Variants in KCNQ3 observed in about 807,000 individuals in gnomAD.
KCNQ3 encodes the protein potassium voltage-gated channel subfamily Q member 3, also known as potassium voltage-gated channel subfamily KQT member 3.
In KCNQ3, 30 loss-of-function variants were observed where a neutral mutation model predicts 92.5. That is an observed-to-expected ratio of 0.32 (90% CI 0.24 to 0.44). KCNQ3 has a LOEUF of 0.44. Ranked by LOEUF, KCNQ3 falls within the 20% of genes least tolerant of loss-of-function variation. The pLI, the probability that KCNQ3 is intolerant of heterozygous loss-of-function variation, is 1.00. For missense variants in KCNQ3, 913 were observed against 1,140.3 expected (o/e 0.80, Z 2.87); for synonymous variants, 450 against 468.8 (o/e 0.96, Z 0.52).
intron 1 of KCNQ3, among the ~76,000 whole-genome samples, chr8:132,405,074 G>A (rs941759641): frequency 1.3e-5 from 2 of 152,182 alleles, no homozygotes; most frequent in East Asian, 1.9e-4. Flanking sequence ...GTGAGGGGGT[G>A]CAGGAAGGGG....
intron 1 of KCNQ3, among the ~76,000 whole-genome samples, chr8:132,370,037 C>T (rs928204471): frequency 6.6e-6 from 1 of 152,124 alleles, no homozygotes; most frequent in African/African-American, 2.4e-5. Context: ...TTGGTGGAAA[C>T]CTCTGCTGTC....
At chr8:132,233,456 C>T (rs1814704818) in intron 1 of KCNQ3, among the ~76,000 whole-genome samples, 2 of 152,184 alleles carry the variant, frequency 1.3e-5, no homozygotes, top group South Asian at 2.1e-4. Context: ...TGATATTCCA[C>T]CAGGGTGTGT....
chr8:132,197,412 T>C (rs1461049108), intron 1 of KCNQ3, among the ~76,000 whole-genome samples: 1 of 152,204 alleles, frequency 6.6e-6, no homozygotes, highest in Non-Finnish European at 1.5e-5. Flanking sequence ...TCTATCCCTG[T>C]TCTCGTTTGA....
At chr8:132,431,974 G>C (rs1821262453) in intron 1 of KCNQ3, among the ~76,000 whole-genome samples, 1 of 152,162 alleles carries the variant, frequency 6.6e-6, no homozygotes, top group African/African-American at 2.4e-5. Context: ...CACAGCTCTA[G>C]GCATCAATAT....
Position 132,141,182 on chromosome 8 carries a change from C to T in KCNQ3, c.1412G>A (p.Arg471His), listed in dbSNP as rs1198584017. ...PKPVGLNNKE[R>H]FRTAFRMKAY... ...TTTCATGCGGAAGGCCGTGCGGAAA[C>T]GCTCTTTATTGTTTAAGCCAACAGG... The change falls in exon 10 of 15, where the codon CGT becomes CAT. Residue 471 changes from arginine to histidine, a missense_variant. Arg to His is a conservative substitution (Grantham distance 29). Coordinates refer to ENST00000388996, the MANE Select transcript of KCNQ3 (RefSeq NM_004519.4). The T allele has an allele frequency of 3.7e-6, 6 of 1,614,044 alleles. No individual in the cohort carries two copies. Among genetic ancestry groups the T allele is most frequent in the Non-Finnish European group, 5.1e-6 (6 of 1,180,026 alleles).
intron 4 of KCNQ3, 85 bp downstream of exon 4, chr8:132,180,072 G>A: frequency 1.4e-6 from 2 of 1,432,158 alleles, no homozygotes; most frequent in Non-Finnish European, 2.0e-6. Flanking sequence ...TGCCTTCTGG[G>A]GACACTGCAA....
At chr8:132,296,109 T>C (rs1415909536) in intron 1 of KCNQ3, among the ~76,000 whole-genome samples, 1 of 152,232 alleles carries the variant, frequency 6.6e-6, no homozygotes, top group African/African-American at 2.4e-5. Flanking sequence ...GAATTTTAAA[T>C]TTTATTTGCC....
chr8:132,369,479 TTAGAG>T (rs963904611), intron 1 of KCNQ3, among the ~76,000 whole-genome samples: 8 of 152,132 alleles, frequency 5.3e-5, no homozygotes, highest in African/African-American at 1.9e-4. Context: ...CCAGGGTTCC[TTAGAG>T]TAATGTCTGA....
chr8:132,400,498 G>A (rs1433467448), intron 1 of KCNQ3, among the ~76,000 whole-genome samples: 1 of 152,196 alleles, frequency 6.6e-6, no homozygotes, highest in East Asian at 1.9e-4. Context: ...GTCTATGGCT[G>A]ATCAGCAAGA....
At chr8:132,456,484 T>TGC (rs1449042853) in intron 1 of KCNQ3, among the ~76,000 whole-genome samples, 4 of 151,858 alleles carry the variant, frequency 2.6e-5, no homozygotes, top group Non-Finnish European at 4.4e-5. Flanking sequence ...TGTGTGTGTG[T>TGC]GCAGTTTGTG....
chr8:132,349,387 T>C (rs773180469), intron 1 of KCNQ3, among the ~76,000 whole-genome samples: 2 of 152,198 alleles, frequency 1.3e-5, no homozygotes, highest in Non-Finnish European at 2.9e-5. Context: ...ATACGCTGCA[T>C]TTTTCCTTAC....
chr8:132,448,244 A>C (rs1486399676), intron 1 of KCNQ3, among the ~76,000 whole-genome samples: 2 of 152,130 alleles, frequency 1.3e-5, no homozygotes, highest in East Asian at 3.9e-4. Context: ...CAGCTAAGTC[A>C]GTGGGTCCCT....
rs1164773143 is a variant in KCNQ3, at chr8:132,224,081, A to ATTTT, written c.387-37904_387-37901dup. ...CAGACACACACCATCATGCCAGGCT[A>ATTTT]TTTTTTTTTTTTTTTTTTTTTTTTT... is the stretch of plus-strand genomic sequence containing the variant. On this transcript the variant is annotated intron_variant, in intron 1 of 14. Transcript: ENST00000388996. Among the ~76,000 whole-genome samples, 25 of 39,470 alleles carry ATTTT rather than the reference A, an allele frequency of 6.3e-4. 1 individual carries two copies. Among genetic ancestry groups the ATTTT allele is most frequent in the African/African-American group, 1.9e-3 (23 of 11,996 alleles). The allele number at this position is 39,470 out of a possible 152,430, so 25.9% of individuals were successfully genotyped here.
chr8:132,241,794 A>G (rs13278425), intron 1 of KCNQ3, among the ~76,000 whole-genome samples: 68,169 of 151,930 alleles, frequency 0.45, 17,303 homozygotes, highest in East Asian at 0.72. Context: ...AGATGGTGCC[A>G]CTGCACTCCA....
chr8:132,302,256 C>T (rs1435324446), intron 1 of KCNQ3, among the ~76,000 whole-genome samples: 1 of 152,188 alleles, frequency 6.6e-6, no homozygotes. Flanking sequence ...TGGACCATAT[C>T]TGACACAAAG....
At chr8:132,299,622 G>A (rs1409373835) in intron 1 of KCNQ3, among the ~76,000 whole-genome samples, 1 of 152,172 alleles carries the variant, frequency 6.6e-6, no homozygotes, top group Non-Finnish European at 1.5e-5. Context: ...GAATGCAAAA[G>A]GGGGAAGGAA....
chr8:132,437,391 C>T (rs965504180), intron 1 of KCNQ3, among the ~76,000 whole-genome samples: 2 of 152,190 alleles, frequency 1.3e-5, no homozygotes, highest in East Asian at 3.8e-4. Context: ...CTCTGTGCCT[C>T]AGTTTCCAAA....
At chr8:132,176,031 G>A (rs911912098) in intron 4 of KCNQ3, among the ~76,000 whole-genome samples, 51 of 152,118 alleles carry the variant, frequency 3.4e-4, no homozygotes, top group African/African-American at 1.2e-3. Context: ...CAGAGACCCA[G>A]CCCTGACACC....
At chr8:132,428,721 C>G (rs1230578694) in intron 1 of KCNQ3, among the ~76,000 whole-genome samples, 1 of 152,306 alleles carries the variant, frequency 6.6e-6, no homozygotes, top group African/African-American at 2.4e-5. Context: ...TTAGCATATG[C>G]CTCGCCAGGA....
Sources: gnomAD v4.1 joint callset for allele counts (sites outside exome capture counted in the v4.1 genomes callset) on GRCh38, gnomAD v4.1.1 for gene constraint, MANE v1.5 for transcripts, NCBI Gene and HGNC (gene_info 2026-07-23, HGNC 2026-07-21) for gene names.